The following FGGY variants were observed in gnomAD, a reference collection of about 807,000 sequenced individuals.
FGGY encodes the protein FGGY carbohydrate kinase domain containing, also known as FGGY carbohydrate kinase domain-containing protein.
In FGGY, 72 loss-of-function variants were observed where a neutral mutation model predicts 71.3. The observed-to-expected ratio is 1.01, with a 90% CI of 0.84 to 1.23. The LOEUF is 1.23. Among genes scored for constraint, FGGY ranks in the 50% most tolerant of loss-of-function variants. The pLI, the probability that FGGY is intolerant of heterozygous loss-of-function variation, is 0.00. For missense variants in FGGY, 668 were observed against 682.3 expected (o/e 0.98, Z 0.23); for synonymous variants, 251 against 250.3 (o/e 1.00, Z -0.02).
At chr1:59,596,049 A>G (rs1335164421) in intron 8 of FGGY, among the ~76,000 whole-genome samples, 3 of 152,208 alleles carry the variant, frequency 2.0e-5, no homozygotes, top group Non-Finnish European at 1.5e-5. Flanking sequence ...GATCTTTTAT[A>G]GAGTACAGGC....
intron 7 of FGGY, among the ~76,000 whole-genome samples, chr1:59,536,827 G>A (rs1000577103): frequency 1.3e-5 from 2 of 152,094 alleles, no homozygotes; most frequent in South Asian, 2.1e-4. Context: ...CAATAAATTA[G>A]ATATTGATGG....
At chr1:59,587,973 G>A (rs930551098) in intron 8 of FGGY, among the ~76,000 whole-genome samples, 2 of 152,018 alleles carry the variant, frequency 1.3e-5, no homozygotes, top group Non-Finnish European at 2.9e-5. Flanking sequence ...TTGAGAGAAG[G>A]CTTCAGACCA....
chr1:59,567,910 CT>C (rs1169370157), intron 8 of FGGY, among the ~76,000 whole-genome samples: 1 of 150,966 alleles, frequency 6.6e-6, no homozygotes, highest in Non-Finnish European at 1.5e-5. Context: ...ATTATTGCCC[CT>C]GTCTACCTCT....
chr1:59,676,044 A>C (rs1027055789), intron 14 of FGGY, among the ~76,000 whole-genome samples: 4 of 152,054 alleles, frequency 2.6e-5, no homozygotes, highest in African/African-American at 9.7e-5. Context: ...CTCCCACGAG[A>C]CCCTGACATT....
intron 14 of FGGY, among the ~76,000 whole-genome samples, chr1:59,680,205 G>A (rs755290036): frequency 7.3e-5 from 11 of 150,906 alleles, no homozygotes; most frequent in African/African-American, 2.2e-4. Flanking sequence ...TTTTTTAGTA[G>A]CCTTTTGCCC....
chr1:59,405,874 C>T (rs1192173044), intron 5 of FGGY, among the ~76,000 whole-genome samples: 1 of 151,772 alleles, frequency 6.6e-6, no homozygotes, highest in African/African-American at 2.4e-5. Flanking sequence ...GATGATCTCC[C>T]GTTAGGCTAA....
chr1:59,545,618 A>G (rs2095508526), intron 7 of FGGY, among the ~76,000 whole-genome samples: 1 of 152,198 alleles, frequency 6.6e-6, no homozygotes. Flanking sequence ...TCCAAGCTAT[A>G]CATATTAGCC....
At chr1:59,415,214 G>GT (rs1276329467) in intron 5 of FGGY, among the ~76,000 whole-genome samples, 2 of 151,882 alleles carry the variant, frequency 1.3e-5, no homozygotes, top group Non-Finnish European at 2.9e-5. Context: ...ATACTTAAGT[G>GT]TTTTTTTGCA....
chr1:59,461,534 A>G (rs899109423), intron 6 of FGGY, among the ~76,000 whole-genome samples: 2 of 152,012 alleles, frequency 1.3e-5, no homozygotes, highest in Non-Finnish European at 2.9e-5. Context: ...TAACCTAGGA[A>G]GGCCAACATT....
intron 8 of FGGY, among the ~76,000 whole-genome samples, chr1:59,578,571 T>C (rs2096126950): frequency 6.6e-6 from 1 of 152,104 alleles, no homozygotes; most frequent in African/African-American, 2.4e-5. Flanking sequence ...ATGGGAGTTT[T>C]AATTATTATA....
At chr1:59,486,875 T>G (rs2093673455) in intron 6 of FGGY, among the ~76,000 whole-genome samples, 2 of 152,206 alleles carry the variant, frequency 1.3e-5, no homozygotes, top group South Asian at 4.1e-4. Flanking sequence ...CAGTGGAAAC[T>G]GATAAGCTAT....
intron 1 of FGGY, among the ~76,000 whole-genome samples, chr1:59,305,725 A>T (rs943697128): frequency 5.9e-5 from 9 of 152,184 alleles, no homozygotes; most frequent in African/African-American, 2.2e-4. Flanking sequence ...TATGAATAGA[A>T]CTATTCCTGG....
intron 13 of FGGY, among the ~76,000 whole-genome samples, chr1:59,669,145 C>T (rs1158502151): frequency 1.3e-5 from 2 of 152,156 alleles, no homozygotes; most frequent in African/African-American, 4.8e-5. Flanking sequence ...AGGTAGAAAT[C>T]GGTGCCCCCA....
chr1:59,740,202 A>T (rs1171787971), intron 14 of FGGY, among the ~76,000 whole-genome samples: 1 of 152,188 alleles, frequency 6.6e-6, no homozygotes, highest in Non-Finnish European at 1.5e-5. Flanking sequence ...CAGTTACCCA[A>T]TGTGAGTGTC....
intron 5 of FGGY, among the ~76,000 whole-genome samples, chr1:59,380,032 G>A (rs1388733828): frequency 1.3e-5 from 2 of 152,066 alleles, no homozygotes; most frequent in African/African-American, 4.8e-5. Flanking sequence ...ACCTATGAGT[G>A]AGAACATGCA....
chr1:59,662,233 T>C (rs1357266685), intron 12 of FGGY, among the ~76,000 whole-genome samples: 1 of 147,954 alleles, frequency 6.8e-6, no homozygotes, highest in East Asian at 2.0e-4. Context: ...GGCAGGAGAA[T>C]GGCATGAACC....
At chr1:59,448,651 T>G (rs933626797) in intron 5 of FGGY, among the ~76,000 whole-genome samples, 1 of 152,164 alleles carries the variant, frequency 6.6e-6, no homozygotes, top group Non-Finnish European at 1.5e-5. Context: ...TTCACTTAAT[T>G]AACATGCATT....
At chr1:59,487,382 A>G (rs986721616) in intron 6 of FGGY, among the ~76,000 whole-genome samples, 1 of 152,064 alleles carries the variant, frequency 6.6e-6, no homozygotes, top group Non-Finnish European at 1.5e-5. Flanking sequence ...TTTTTCATGG[A>G]TTGTAATTAT....
intron 12 of FGGY, among the ~76,000 whole-genome samples, chr1:59,663,236 A>G (rs1374868043): frequency 2.6e-5 from 4 of 152,228 alleles, no homozygotes; most frequent in Admixed American, 6.5e-5. Context: ...TCAAACAGCT[A>G]GAGTATGGTA....
Sources: allele counts gnomAD v4.1 joint callset (sites outside exome capture counted in the v4.1 genomes callset), GRCh38; gene constraint gnomAD v4.1.1; transcripts MANE v1.5; gene names NCBI Gene and HGNC (gene_info 2026-07-23, HGNC 2026-07-21).